Variants in GUCY1A1 observed in about 807,000 individuals in gnomAD.
GUCY1A1 encodes guanylate cyclase soluble subunit alpha-1.
A neutral mutation model predicts 64.5 loss-of-function variants in GUCY1A1; 48 were observed. That is an observed-to-expected ratio of 0.74 (90% confidence interval 0.59 to 0.95). The LOEUF is 0.95. GUCY1A1 is among the 40% of genes least tolerant of loss of function. The pLI, the probability that GUCY1A1 is intolerant of heterozygous loss-of-function variation, is 0.00. For synonymous variants in GUCY1A1, 308 were observed against 303.4 expected (o/e 1.02, Z -0.16); for missense variants, 804 against 825.3 (o/e 0.97, Z 0.32).
At chr4:155,669,424 G>A (rs1448734957) in intron 2 of GUCY1A1, among the ~76,000 whole-genome samples, 1 of 151,856 alleles carries the variant, frequency 6.6e-6, no homozygotes, top group African/African-American at 2.4e-5. Flanking sequence ...AGATATTCAG[G>A]TATTAAATAA....
At chr4:155,693,115 G>A (rs1395148827) in intron 2 of GUCY1A1, among the ~76,000 whole-genome samples, 1 of 152,014 alleles carries the variant, frequency 6.6e-6, no homozygotes, top group African/African-American at 2.4e-5. Flanking sequence ...GAGTTTAAAT[G>A]ATTGAGGGTT....
chr4:155,699,545 A>G (rs1459157004), intron 3 of GUCY1A1, among the ~76,000 whole-genome samples: 1 of 152,170 alleles, frequency 6.6e-6, no homozygotes, highest in Non-Finnish European at 1.5e-5. Flanking sequence ...TGGAAGAGGT[A>G]TGTTTGGCAT....
intron 2 of GUCY1A1, among the ~76,000 whole-genome samples, chr4:155,676,160 GA>G (rs869144687): frequency 2.6e-5 from 1 of 38,958 alleles, no homozygotes; most frequent in African/African-American, 5.4e-5. Context: ...AAAGTAAAGA[GA>G]AAAAGGAAAC....
chr4:155,712,994 T>C (rs1285264475), intron 6 of GUCY1A1, 104 bp from the exon 7 acceptor site: 45 of 968,304 alleles, frequency 4.6e-5, no homozygotes, highest in Non-Finnish European at 5.9e-5. Context: ...TTTCAGCAGG[T>C]TTAAACACAA....
At chr4:155,724,830 A>G (rs938817194) in intron 9 of GUCY1A1, among the ~76,000 whole-genome samples, 2 of 152,036 alleles carry the variant, frequency 1.3e-5, no homozygotes, top group Non-Finnish European at 2.9e-5. Flanking sequence ...ATCCTATTCC[A>G]TATTTCCACT....
rs1489563472 is a variant in GUCY1A1 at position 155,734,222 on chromosome 4, G to A, written c.*3991G>A. Among the ~76,000 whole-genome samples, 1 of 151,900 alleles carries A rather than the reference G, an allele frequency of 6.6e-6. No homozygotes were observed. The highest frequency in any genetic ancestry group is 6.6e-5 in the Admixed American group (1 of 15,232). On this transcript the variant is annotated 3_prime_UTR_variant, in exon 10 of 10. Transcript: ENST00000506455. ...AGAGTGTCTAGTCTAACTAGTGCCT[G>A]AGGAATAGACATCAGTCCTCTGAGA...
chr4:155,673,704 C>A (rs892475143), intron 2 of GUCY1A1, among the ~76,000 whole-genome samples: 4 of 151,294 alleles, frequency 2.6e-5, no homozygotes, highest in Non-Finnish European at 5.9e-5. Context: ...CTGAGCCTTC[C>A]CAGGCCATAG....
rs1307729404 is a variant in GUCY1A1 at position 155,733,582 on chromosome 4, CA to C, written c.*3352del. Among the ~76,000 whole-genome samples, 8 of 150,590 alleles carry C rather than the reference CA, an allele frequency of 5.3e-5. 2 individuals carry two copies. The highest frequency in any genetic ancestry group is 1.7e-4 in the African/African-American group (7 of 41,012). On this transcript the variant is annotated 3_prime_UTR_variant, in exon 10 of 10. Coordinates refer to ENST00000506455, the MANE Select transcript of GUCY1A1 (RefSeq NM_001130682.3). ...TTACATGACCTTAAGTAGTTATCAA[CA>C]TTACCATAATAGTAATATTAATAAC...
chr4:155,704,093 C>T, intron 4 of GUCY1A1, 100 bp downstream of exon 4: 1 of 694,234 alleles, frequency 1.4e-6, no homozygotes, highest in South Asian at 2.0e-5. Flanking sequence ...TTTATTGAAT[C>T]ATTGTGGTAT....
At chr4:155,714,243 C>G (rs1416254255) in intron 7 of GUCY1A1, among the ~76,000 whole-genome samples, 1 of 152,190 alleles carries the variant, frequency 6.6e-6, no homozygotes, top group African/African-American at 2.4e-5. Context: ...CTCATCACTT[C>G]TAAGACAGAG....
chr4:155,693,223 A>G (rs925792083), intron 2 of GUCY1A1, among the ~76,000 whole-genome samples: 17 of 152,290 alleles, frequency 1.1e-4, no homozygotes, highest in African/African-American at 3.8e-4. Flanking sequence ...ACTAGTAAAA[A>G]GAGAGTGAGC....
At chr4:155,702,030 T>G (rs1731149529) in intron 3 of GUCY1A1, among the ~76,000 whole-genome samples, 1 of 152,038 alleles carries the variant, frequency 6.6e-6, no homozygotes, top group Non-Finnish European at 1.5e-5. Flanking sequence ...ATTCATTCAT[T>G]CATTCATTCA....
At position 155,733,969 on chromosome 4, in the gene GUCY1A1, T is replaced by C. The variant is rs1006557923; in HGVS notation, c.*3738T>C. Among the ~76,000 whole-genome samples, 1 of 151,862 alleles carries C rather than the reference T, an allele frequency of 6.6e-6. No homozygotes were observed. Among genetic ancestry groups the C allele is most frequent in the African/African-American group, 2.4e-5 (1 of 41,378 alleles). On this transcript the variant is annotated 3_prime_UTR_variant, in exon 10 of 10. Coordinates refer to ENST00000506455, the MANE Select transcript of GUCY1A1 (RefSeq NM_001130682.3). The stretch of plus-strand genomic sequence containing the variant: ...AGCTGGGATGTCTGGCATTGGAATT[T>C]TATGTCACTCTCAAGGCTAATTAGT...
intron 9 of GUCY1A1, among the ~76,000 whole-genome samples, chr4:155,726,466 G>A (rs1183344823): frequency 2.6e-5 from 4 of 151,824 alleles, no homozygotes; most frequent in Non-Finnish European, 5.9e-5. Context: ...TGCTAAAGAA[G>A]GTGTACAAGC....
At chr4:155,711,897 A>C (rs1255266455) in intron 6 of GUCY1A1, among the ~76,000 whole-genome samples, 1 of 152,226 alleles carries the variant, frequency 6.6e-6, no homozygotes, top group African/African-American at 2.4e-5. Context: ...TTCTATCATA[A>C]AAATAATAAA....
intron 5 of GUCY1A1, among the ~76,000 whole-genome samples, chr4:155,710,227 A>C (rs1732377174): frequency 6.6e-6 from 1 of 152,224 alleles, no homozygotes; most frequent in Non-Finnish European, 1.5e-5. Flanking sequence ...GACTTTTGCC[A>C]AAATGTACTT....
intron 9 of GUCY1A1, among the ~76,000 whole-genome samples, chr4:155,727,500 A>G (rs951620574): frequency 2.0e-5 from 3 of 152,000 alleles, no homozygotes; most frequent in South Asian, 4.1e-4. Context: ...TATGTATATA[A>G]TACATTTAAA....
At chr4:155,700,800 T>C (rs954036461) in intron 3 of GUCY1A1, among the ~76,000 whole-genome samples, 1 of 152,338 alleles carries the variant, frequency 6.6e-6, no homozygotes, top group Non-Finnish European at 1.5e-5. Flanking sequence ...TAGGGTGTTT[T>C]AGTGATAGAC....
At chr4:155,728,533 T>G (rs569057374) in intron 9 of GUCY1A1, among the ~76,000 whole-genome samples, 1 of 152,040 alleles carries the variant, frequency 6.6e-6, no homozygotes, top group Non-Finnish European at 1.5e-5. Flanking sequence ...TTTATACATA[T>G]GTCTTTAGAT....
Sources: gnomAD v4.1 joint callset for allele counts (sites outside exome capture counted in the v4.1 genomes callset) on GRCh38, gnomAD v4.1.1 for gene constraint, MANE v1.5 for transcripts, NCBI Gene and HGNC (gene_info 2026-07-23, HGNC 2026-07-21) for gene names.